Variants in ROBO2 observed in about 807,000 individuals in gnomAD.
ROBO2 encodes the protein roundabout guidance receptor 2, also known as roundabout homolog 2.
In ROBO2, 53 loss-of-function variants were observed where a neutral mutation model predicts 160.8. The ratio of observed to expected loss-of-function variants is 0.33; its 90% CI spans 0.26 to 0.41. The LOEUF is 0.41. ROBO2 is among the 10% of genes least tolerant of loss of function. The probability of loss-of-function intolerance (pLI) is 1.00; values close to 1 mark genes in which losing one functional copy is unlikely to be tolerated. For synonymous variants in ROBO2, 664 were observed against 611.7 expected (o/e 1.09, Z -1.26); for missense variants, 1,577 against 1,722.4 (o/e 0.92, Z 1.49).
chr3:77,338,342 T>C (rs2066706146), intron 2 of ROBO2, among the ~76,000 whole-genome samples: 2 of 152,180 alleles, frequency 1.3e-5, no homozygotes, highest in Admixed American at 1.3e-4. Context: ...GGTCAGACTT[T>C]CAACACGTAG....
At chr3:76,202,168 G>C (rs943110516) in intron 2 of ROBO2, among the ~76,000 whole-genome samples, 1 of 152,028 alleles carries the variant, frequency 6.6e-6, no homozygotes, top group Non-Finnish European at 1.5e-5. Flanking sequence ...CACATATATC[G>C]TGTTATGCTT....
chr3:77,149,024 G>T (rs1484598792), intron 2 of ROBO2, among the ~76,000 whole-genome samples: 1 of 146,704 alleles, frequency 6.8e-6, no homozygotes, highest in Non-Finnish European at 1.5e-5. Flanking sequence ...AAAGCTTGGA[G>T]ACAAAGTAAA....
chr3:76,882,926 C>T (rs1012926967), intron 2 of ROBO2, among the ~76,000 whole-genome samples: 1 of 152,108 alleles, frequency 6.6e-6, no homozygotes, highest in Non-Finnish European at 1.5e-5. Flanking sequence ...GATTCAGTCT[C>T]CATAATTTGT....
In ROBO2 at chr3:76,605,386, TAAA is replaced by T. The variant is rs34113661; in HGVS notation, c.110-492620_110-492618del. On this transcript the variant is annotated intron_variant, in intron 2 of 26. Transcript: ENST00000487694. ...TTTTATAGCTTCTCCAACTGTATTT[TAAA>T]AAAAAAAGGTAATTGGAATCACTCA... Among the ~76,000 whole-genome samples, 551 of 150,466 alleles carry T rather than the reference TAAA, an allele frequency of 3.7e-3. 2 individuals are homozygous for T. Among genetic ancestry groups the T allele is most frequent in the African/African-American group, 0.012 (493 of 41,066 alleles).
intron 2 of ROBO2, among the ~76,000 whole-genome samples, chr3:77,029,976 C>T (rs1181297217): frequency 2.0e-5 from 3 of 150,602 alleles, no homozygotes; most frequent in Admixed American, 6.6e-5. Context: ...GACAGAGTCT[C>T]GCTCTGTCGC....
chr3:76,766,426 T>C (rs1193544910), intron 2 of ROBO2, among the ~76,000 whole-genome samples: 1 of 151,338 alleles, frequency 6.6e-6, no homozygotes, highest in Non-Finnish European at 1.5e-5. Context: ...AAAAATGGAG[T>C]GTTGCTGTAA....
chr3:76,795,721 T>C (rs1177942168), intron 2 of ROBO2, among the ~76,000 whole-genome samples: 1 of 152,138 alleles, frequency 6.6e-6, no homozygotes, highest in African/African-American at 2.4e-5. Context: ...CCCATTAATG[T>C]TGGCATTTTG....
At chr3:77,563,791 C>T (rs1048437258) in intron 11 of ROBO2, among the ~76,000 whole-genome samples, 1 of 152,084 alleles carries the variant, frequency 6.6e-6, no homozygotes, top group Non-Finnish European at 1.5e-5. Flanking sequence ...TTACATACAT[C>T]TATTAGATAT....
At position 77,447,658 on chromosome 3, in the gene ROBO2, G is replaced by A. The variant is rs552429796; in HGVS notation, c.389-29756G>A. The stretch of plus-strand genomic sequence containing the variant: ...ATATAAGTTCTGCAGGAGCATCAGC[G>A]ATAGTATCCTTTTGAACTAATTAGT... On this transcript the variant is annotated intron_variant, in intron 2 of 25. Transcript: ENST00000461745. Among the ~76,000 whole-genome samples the A allele has an allele frequency of 6.6e-5, 10 of 152,168 alleles. No homozygotes were observed. The South Asian group carries it at 1.7e-3, about 25-fold the overall frequency.
At chr3:76,222,687 G>C (rs1704046489) in intron 2 of ROBO2, among the ~76,000 whole-genome samples, 1 of 152,006 alleles carries the variant, frequency 6.6e-6, no homozygotes, top group South Asian at 2.1e-4. Context: ...GCTCATACCA[G>C]ACTACTATAA....
intron 2 of ROBO2, among the ~76,000 whole-genome samples, chr3:76,022,515 G>A (rs1263871735): frequency 6.6e-6 from 1 of 151,778 alleles, no homozygotes; most frequent in African/African-American, 2.4e-5. Context: ...CAGAATGGAT[G>A]TTGTGTTAAC....
intron 2 of ROBO2, among the ~76,000 whole-genome samples, chr3:77,012,434 G>T (rs900727656): frequency 1.3e-5 from 2 of 152,162 alleles, no homozygotes; most frequent in Non-Finnish European, 2.9e-5. Flanking sequence ...AAAGTTAAAT[G>T]ATTCAATGAC....
At chr3:75,983,815 C>A (rs1409042430) in intron 2 of ROBO2, among the ~76,000 whole-genome samples, 1 of 151,356 alleles carries the variant, frequency 6.6e-6, no homozygotes. Context: ...GGCATGACAT[C>A]ATCTGAAAAC....
intron 2 of ROBO2, among the ~76,000 whole-genome samples, chr3:75,989,999 A>G (rs1181254758): frequency 6.6e-6 from 1 of 152,206 alleles, no homozygotes. Context: ...GGTATAAAAA[A>G]TATCTCAACT....
intron 2 of ROBO2, among the ~76,000 whole-genome samples, chr3:76,298,113 A>G (rs1262656402): frequency 6.6e-6 from 1 of 152,174 alleles, no homozygotes; most frequent in African/African-American, 2.4e-5. Flanking sequence ...GCCTTTTTCG[A>G]AACATGCCAT....
chr3:76,729,640 T>TCTC (rs1553884329), intron 2 of ROBO2, among the ~76,000 whole-genome samples: 2,504 of 55,184 alleles, frequency 0.045, 50 homozygotes, highest in African/African-American at 0.21. Flanking sequence ...TCTCTCTCTC[T>TCTC]TTTTTTTTTT....
intron 2 of ROBO2, among the ~76,000 whole-genome samples, chr3:76,043,223 G>C (rs928731397): frequency 6.6e-6 from 1 of 150,686 alleles, no homozygotes; most frequent in Non-Finnish European, 1.5e-5. Context: ...CATCCCTTAC[G>C]TGTAAGAACA....
At chr3:77,199,802 T>C (rs1045162534) in intron 2 of ROBO2, among the ~76,000 whole-genome samples, 71 of 60,726 alleles carry the variant, frequency 1.2e-3, no homozygotes, top group African/African-American at 2.6e-3. Flanking sequence ...TTTTTTTTTG[T>C]TGTTTATAGA....
intron 2 of ROBO2, among the ~76,000 whole-genome samples, chr3:76,740,759 A>G (rs1003685002): frequency 1.3e-5 from 2 of 152,120 alleles, no homozygotes; most frequent in Admixed American, 6.6e-5. Context: ...TATTGCTAAC[A>G]TAAAGCTTAC....
Sources: gnomAD v4.1 joint callset for allele counts (sites outside exome capture counted in the v4.1 genomes callset) on GRCh38, gnomAD v4.1.1 for gene constraint, MANE v1.5 for transcripts, NCBI Gene and HGNC (gene_info 2026-07-23, HGNC 2026-07-21) for gene names.